MAST4: variants seen among roughly 807,000 people sequenced by gnomAD.
MAST4 encodes microtubule-associated serine/threonine-protein kinase 4.
In MAST4, 89 loss-of-function variants were observed where a neutral mutation model predicts 162.7. That is an observed-to-expected ratio of 0.55 (90% CI 0.46 to 0.65). The LOEUF (loss-of-function observed/expected upper bound fraction) is 0.65, where lower values mean the gene tolerates loss of function less well. Among genes scored for constraint, MAST4 ranks in the 30% least tolerant of loss-of-function variants. The pLI, the probability that MAST4 is intolerant of heterozygous loss-of-function variation, is 0.00. For missense variants in MAST4, 3,153 were observed against 3,374.0 expected (o/e 0.93, Z 1.62); for synonymous variants, 1,479 against 1,361.1 (o/e 1.09, Z -1.91).
intron 4 of MAST4, among the ~76,000 whole-genome samples, chr5:66,949,649 C>A (rs1299730827): frequency 6.6e-6 from 1 of 152,096 alleles, no homozygotes; most frequent in Non-Finnish European, 1.5e-5. Context: ...TTATTTTGGT[C>A]ACAGATAGTC....
At chr5:66,689,659 G>A (rs1026357336) in intron 1 of MAST4, among the ~76,000 whole-genome samples, 3 of 152,078 alleles carry the variant, frequency 2.0e-5, no homozygotes, top group South Asian at 2.1e-4. Context: ...TCCAATGTAC[G>A]CTGGTTACCT....
chr5:66,655,947 T>C (rs963150546), intron 1 of MAST4, among the ~76,000 whole-genome samples: 1 of 152,232 alleles, frequency 6.6e-6, no homozygotes, highest in Non-Finnish European at 1.5e-5. Flanking sequence ...TTTTTTTAAC[T>C]TGGAAAATAT....
At chr5:67,055,865 A>G (rs990985686) in intron 5 of MAST4, among the ~76,000 whole-genome samples, 20 of 152,138 alleles carry the variant, frequency 1.3e-4, no homozygotes, top group African/African-American at 4.8e-4. Flanking sequence ...GCACATAGAA[A>G]AGAAGTGAAC....
intron 1 of MAST4, among the ~76,000 whole-genome samples, chr5:66,632,510 G>T (rs1744852705): frequency 6.6e-6 from 1 of 152,034 alleles, no homozygotes; most frequent in Admixed American, 6.6e-5. Flanking sequence ...GTAGGTGGAG[G>T]GTATTAGCCA....
intron 1 of MAST4, among the ~76,000 whole-genome samples, chr5:66,633,021 C>T (rs1410861118): frequency 6.6e-6 from 1 of 151,920 alleles, no homozygotes; most frequent in East Asian, 1.9e-4. Context: ...TTCAAATATC[C>T]TAAATTTAAA....
intron 19 of MAST4, among the ~76,000 whole-genome samples, 180 bp downstream of exon 19, chr5:67,136,844 G>T (rs79331299): frequency 0.012 from 1,808 of 152,244 alleles, 14 homozygotes; most frequent in Non-Finnish European, 0.018. Context: ...ATTCAAAACA[G>T]TGTGTACGCT....
rs1360448189 is a variant in MAST4 at position 66,989,285 on chromosome 5, C to T, written c.675-65119C>T. Reference sequence around the variant, plus strand: ...CTGCCCCTCCTTATACCTCCTTGCTCATAATCAGGTTTAGGCTCCTTACTT... The same window carrying T: ...CTGCCCCTCCTTATACCTCCTTGCTTATAATCAGGTTTAGGCTCCTTACTT... On this transcript the variant is annotated intron_variant, in intron 4 of 28. Coordinates refer to ENST00000403625, the MANE Select transcript of MAST4 (RefSeq NM_001164664.2). 4.6e-5 allele frequency among the ~76,000 whole-genome samples: 7 copies of T among 152,120 alleles called. No individual in the cohort carries two copies. In the East Asian group the frequency reaches 1.2e-3, roughly 25 times the overall value.
At chr5:67,060,475 A>ATTTTTTT (rs71610552) in intron 5 of MAST4, among the ~76,000 whole-genome samples, 1 of 120,600 alleles carries the variant, frequency 8.3e-6, no homozygotes, top group Non-Finnish European at 1.7e-5. Context: ...GAGTATCACA[A>ATTTTTTT]TTTTTTTTTT....
At chr5:66,983,938 T>C (rs1479068304) in intron 4 of MAST4, among the ~76,000 whole-genome samples, 4 of 152,192 alleles carry the variant, frequency 2.6e-5, no homozygotes, top group African/African-American at 9.6e-5. Flanking sequence ...TGACAGTGCT[T>C]AGTGGTAACA....
intron 1 of MAST4, among the ~76,000 whole-genome samples, chr5:66,727,727 C>T (rs1221799061): frequency 6.6e-6 from 1 of 151,954 alleles, no homozygotes; most frequent in Non-Finnish European, 1.5e-5. Flanking sequence ...TTTCCTACTC[C>T]CTTTGCTGCC....
At chr5:66,854,229 G>A (rs1413048820) in intron 3 of MAST4, among the ~76,000 whole-genome samples, 5 of 152,084 alleles carry the variant, frequency 3.3e-5, no homozygotes, top group Admixed American at 3.3e-4. Context: ...ATGAGTATGT[G>A]AAAGAACAAG....
At chr5:66,749,812 C>G (rs1753023494) in intron 1 of MAST4, among the ~76,000 whole-genome samples, 1 of 152,210 alleles carries the variant, frequency 6.6e-6, no homozygotes, top group African/African-American at 2.4e-5. Context: ...CAGCTCTCAT[C>G]TGGGCTTGTA....
intron 4 of MAST4, among the ~76,000 whole-genome samples, chr5:67,025,935 A>T (rs984186524): frequency 6.6e-5 from 10 of 152,186 alleles, no homozygotes; most frequent in African/African-American, 2.4e-4. Context: ...TCATAACTGC[A>T]TGCTTTTCCC....
intron 1 of MAST4, among the ~76,000 whole-genome samples, chr5:66,691,051 A>G (rs1278517075): frequency 6.6e-6 from 1 of 152,158 alleles, no homozygotes; most frequent in Non-Finnish European, 1.5e-5. Flanking sequence ...TATTGTCCTA[A>G]TAACTTTCTT....
rs1580631901 is a variant in MAST4, at chr5:66,846,453, T to C, written c.643-53498T>C. On this transcript the variant is annotated intron_variant, in intron 3 of 28. Coordinates refer to ENST00000403625, the MANE Select transcript of MAST4 (RefSeq NM_001164664.2). ...AGAGAGGGATATTAGTTCTTGATAT[T>C]TTATCCATGAGAGGCAGGATGAGAT... Among the ~76,000 whole-genome samples, 5 of 152,286 alleles carry C rather than the reference T, an allele frequency of 3.3e-5. No individual in the cohort carries two copies. The East Asian group carries it at 9.6e-4, about 29-fold the overall frequency.
chr5:67,084,810 C>G (rs947492710), intron 5 of MAST4, among the ~76,000 whole-genome samples: 2 of 152,024 alleles, frequency 1.3e-5, no homozygotes, highest in Non-Finnish European at 1.5e-5. Flanking sequence ...GCATTGTTGA[C>G]TGGTTTGAAT....
At chr5:66,971,396 C>G (rs1047753562) in intron 4 of MAST4, among the ~76,000 whole-genome samples, 2 of 152,184 alleles carry the variant, frequency 1.3e-5, no homozygotes, top group Non-Finnish European at 2.9e-5. Context: ...CCTGCTACTT[C>G]CCTGGGGGTG....
chr5:66,946,574 T>G (rs1330663302), intron 4 of MAST4, among the ~76,000 whole-genome samples: 2 of 152,180 alleles, frequency 1.3e-5, no homozygotes, highest in Non-Finnish European at 2.9e-5. Flanking sequence ...TCTGCCCTTT[T>G]GTGCAGCTAT....
In MAST4 at chr5:66,692,422, T is replaced by G. The variant is rs1749104507; in HGVS notation, c.364-67287T>G. ...TCCTCTCTTGCTCTCTTTTTTTTTTTTTTACTTTATTGTAGGGCTGTCCTG... is the reference window on the plus strand; with the variant it reads ...TCCTCTCTTGCTCTCTTTTTTTTTTGTTTACTTTATTGTAGGGCTGTCCTG... On this transcript the variant is annotated intron_variant, in intron 1 of 28. Transcript: ENST00000403625. Among the ~76,000 whole-genome samples the G allele has an allele frequency of 3.3e-5, 5 of 152,046 alleles. No homozygotes were observed. In the South Asian group the frequency reaches 1.0e-3, roughly 32 times the overall value.
Sources: gnomAD v4.1 joint callset for allele counts (sites outside exome capture counted in the v4.1 genomes callset) on GRCh38, gnomAD v4.1.1 for gene constraint, MANE v1.5 for transcripts, NCBI Gene and HGNC (gene_info 2026-07-23, HGNC 2026-07-21) for gene names.